The following RABGAP1L variants were observed in gnomAD, a reference collection of about 807,000 sequenced individuals.
RABGAP1L encodes the protein rab GTPase-activating protein 1-like.
In RABGAP1L, 63 loss-of-function variants were observed where a neutral mutation model predicts 137.7. The observed-to-expected ratio is 0.46, with a 90% confidence interval of 0.37 to 0.56. RABGAP1L has a LOEUF of 0.56. Ranked by LOEUF, RABGAP1L falls within the 20% of genes least tolerant of loss-of-function variation. RABGAP1L has a pLI of 0.00. For synonymous variants in RABGAP1L, 431 were observed against 433.7 expected (o/e 0.99, Z 0.08); for missense variants, 1,095 against 1,244.0 (o/e 0.88, Z 1.80).
chr1:174,613,241 A>G lies in RABGAP1L; in HGVS notation c.1711-24134A>G, dbSNP rs550604740. Among the ~76,000 whole-genome samples the G allele has an allele frequency of 9.6e-3, 1,452 of 151,912 alleles. 17 individuals carry two copies. The highest frequency in any genetic ancestry group is 0.015 in the Non-Finnish European group (1,017 of 67,944). On this transcript the variant is annotated intron_variant, in intron 13 of 25. Coordinates refer to ENST00000681986, the MANE Select transcript of RABGAP1L (RefSeq NM_001366446.1). Reference sequence around the variant, plus strand: ...ACAGTGCTTTGAATGTGTCCCAGAGATTCTGGTATGTTGTGTCTTTGTTCT... The same window carrying G: ...ACAGTGCTTTGAATGTGTCCCAGAGGTTCTGGTATGTTGTGTCTTTGTTCT...
chr1:174,908,530 AC>A (rs1319313591), intron 19 of RABGAP1L, among the ~76,000 whole-genome samples: 1 of 150,304 alleles, frequency 6.7e-6, no homozygotes, highest in Non-Finnish European at 1.5e-5. Flanking sequence ...AAGTTAAACA[AC>A]ATATTCTTTT....
intron 13 of RABGAP1L, among the ~76,000 whole-genome samples, chr1:174,547,009 G>A (rs1430685044): frequency 1.1e-4 from 12 of 106,958 alleles, no homozygotes; most frequent in South Asian, 3.2e-4. Context: ...CAGCCTGGGC[G>A]AAAGAGCGAG....
In RABGAP1L at chr1:174,210,970, C is replaced by T. The variant is rs1296675825; in HGVS notation, c.-33-8155C>T. Among the ~76,000 whole-genome samples, 4 of 152,242 alleles carry T rather than the reference C, an allele frequency of 2.6e-5. 1 individual carries two copies. In the East Asian group the frequency reaches 7.7e-4, roughly 29 times the overall value. On this transcript the variant is annotated intron_variant, in intron 1 of 25. Coordinates refer to ENST00000681986, the MANE Select transcript of RABGAP1L (RefSeq NM_001366446.1). ...AAAGTGCTGAAGGAAAAAACTTTTA[C>T]TCTAGAATAATATGTTTGGTGAAAA...
At chr1:174,980,900 G>GT (rs1196716568) in intron 23 of RABGAP1L, among the ~76,000 whole-genome samples, 28 of 140,504 alleles carry the variant, frequency 2.0e-4, no homozygotes, top group African/African-American at 3.5e-4. Context: ...ACAAAAGACA[G>GT]TTTTTTTTGT....
chr1:174,506,572 GAATAA>G (rs1661836445), intron 13 of RABGAP1L, among the ~76,000 whole-genome samples: 1 of 147,628 alleles, frequency 6.8e-6, no homozygotes, highest in South Asian at 2.1e-4. Context: ...CAAAAAATAG[GAATAA>G]ATTTAAGCAA....
intron 1 of RABGAP1L, among the ~76,000 whole-genome samples, chr1:174,199,523 C>G (rs564895719): frequency 6.6e-6 from 1 of 152,094 alleles, no homozygotes; most frequent in African/African-American, 2.4e-5. Context: ...AACTCCTGAC[C>G]GCAAGTGATC....
intron 18 of RABGAP1L, among the ~76,000 whole-genome samples, chr1:174,788,352 G>T (rs2148789229): frequency 6.6e-6 from 1 of 152,238 alleles, no homozygotes; most frequent in East Asian, 1.9e-4. Context: ...TGGCAGTTTT[G>T]TATTAGTGAG....
At chr1:174,285,368 A>C (rs1401425662) in intron 10 of RABGAP1L, among the ~76,000 whole-genome samples, 2 of 151,956 alleles carry the variant, frequency 1.3e-5, no homozygotes, top group East Asian at 3.9e-4. Flanking sequence ...GGTTAAATTT[A>C]TTTGTAAGGG....
intron 14 of RABGAP1L, among the ~76,000 whole-genome samples, chr1:174,650,936 A>G (rs1484887695): frequency 7.0e-6 from 1 of 143,162 alleles, no homozygotes; most frequent in African/African-American, 2.7e-5. Flanking sequence ...TAGGGTGTCA[A>G]TTTTGGATCT....
rs1203999385 is a variant in RABGAP1L at position 174,808,276 on chromosome 1, C to T, written c.2212-3556C>T. Among the ~76,000 whole-genome samples the T allele has an allele frequency of 3.9e-5, 6 of 151,916 alleles. No homozygotes were observed. In the South Asian group the frequency reaches 8.3e-4, roughly 21 times the overall value. On this transcript the variant is annotated intron_variant, in intron 18 of 25. Coordinates refer to ENST00000681986, the MANE Select transcript of RABGAP1L (RefSeq NM_001366446.1). ...TACTGGGATTACAGGCATGAGCTAC[C>T]GTGCCCAGCCAAAAAAGAATTCTTA...
At chr1:174,162,091 C>T (rs546242035) in intron 1 of RABGAP1L, among the ~76,000 whole-genome samples, 12 of 150,448 alleles carry the variant, frequency 8.0e-5, no homozygotes, top group African/African-American at 2.7e-4. Context: ...ATTACAGTTG[C>T]GATGTTCTGA....
At chr1:174,251,602 A>G (rs16846816) in intron 6 of RABGAP1L, among the ~76,000 whole-genome samples, 44,782 of 152,016 alleles carry the variant, frequency 0.29, 7,022 homozygotes, top group African/African-American at 0.37. Flanking sequence ...TACATTGATT[A>G]TTTTAATGAA....
chr1:174,556,770 A>T (rs1421194410), intron 13 of RABGAP1L, among the ~76,000 whole-genome samples: 1 of 152,250 alleles, frequency 6.6e-6, no homozygotes, highest in African/African-American at 2.4e-5. Context: ...TGATAAGTGC[A>T]CATTTCTCCG....
chr1:174,449,141 G>A, intron 13 of RABGAP1L: 1 of 1,612,000 alleles, frequency 6.2e-7, no homozygotes, highest in Non-Finnish European at 8.5e-7. Flanking sequence ...GTGTGTGAAG[G>A]ATCAGGAAGC....
At chr1:174,324,134 G>A (rs995829212) in intron 11 of RABGAP1L, among the ~76,000 whole-genome samples, 3 of 151,912 alleles carry the variant, frequency 2.0e-5, no homozygotes, top group Non-Finnish European at 4.4e-5. Context: ...TTTTTTTTTA[G>A]TCTTAGTAAA....
intron 13 of RABGAP1L, among the ~76,000 whole-genome samples, chr1:174,613,532 T>C (rs1246019674): frequency 1.3e-5 from 2 of 152,232 alleles, no homozygotes; most frequent in African/African-American, 4.8e-5. Flanking sequence ...ATGTATATTC[T>C]GTTGATTTGG....
At chr1:174,805,082 C>T (rs867774973) in intron 18 of RABGAP1L, among the ~76,000 whole-genome samples, 5 of 152,280 alleles carry the variant, frequency 3.3e-5, no homozygotes, top group Middle Eastern at 3.4e-3. Flanking sequence ...CCTAAATACA[C>T]TCCATAATTT....
chr1:174,854,679 T>G (rs988848689), intron 19 of RABGAP1L, among the ~76,000 whole-genome samples: 1 of 145,908 alleles, frequency 6.9e-6, no homozygotes, highest in Non-Finnish European at 1.5e-5. Flanking sequence ...AACTTTTACC[T>G]TTTAAATTAT....
rs59323156 is a variant in RABGAP1L, at chr1:174,225,494, C to CTTTTTTTTTTTTTTTT, written c.331+4336_331+4351dup. On this transcript the variant is annotated intron_variant, in intron 3 of 25. Transcript: ENST00000681986. ...GTTAAAATCCTCTGAAGAATGTTGACTTTTTTTTTTTTTTTTTTTTTAAAG... is the reference window on the plus strand; with the variant it reads ...GTTAAAATCCTCTGAAGAATGTTGACTTTTTTTTTTTTTTTTTTTTTTTTTTTTTTTTTTTTTAAAG... 9.2e-4 allele frequency among the ~76,000 whole-genome samples: 97 copies of CTTTTTTTTTTTTTTTT among 105,702 alleles called. 1 individual carries two copies. The highest frequency in any genetic ancestry group is 3.2e-3 in the African/African-American group (92 of 28,830). The allele number at this position is 105,702 out of a possible 152,430, so 69.3% of individuals were successfully genotyped here.
Sources: gnomAD v4.1 joint callset for allele counts (sites outside exome capture counted in the v4.1 genomes callset) on GRCh38, gnomAD v4.1.1 for gene constraint, MANE v1.5 for transcripts, NCBI Gene and HGNC (gene_info 2026-07-23, HGNC 2026-07-21) for gene names.